Variants in CDK19 observed in about 807,000 individuals in gnomAD.
CDK19 encodes cyclin dependent kinase 19.
Under a neutral mutation model 68.3 loss-of-function variants are expected in CDK19, and 20 were observed. The observed-to-expected ratio is 0.29, with a 90% CI of 0.21 to 0.43. The LOEUF (loss-of-function observed/expected upper bound fraction) is 0.43, where lower values mean the gene tolerates loss of function less well. CDK19 is among the 20% of genes least tolerant of loss of function. CDK19 has a pLI of 1.00. For synonymous variants in CDK19, 221 were observed against 222.8 expected (o/e 0.99, Z 0.07); for missense variants, 339 against 623.5 (o/e 0.54, Z 4.86).
chr6:110,735,866 G>A (rs935768904), intron 2 of CDK19, among the ~76,000 whole-genome samples: 6 of 152,138 alleles, frequency 3.9e-5, no homozygotes, highest in East Asian at 3.8e-4. Flanking sequence ...GAAGTGCTTC[G>A]CCAAAACATT....
In CDK19 at chr6:110,621,273, G is replaced by C. The variant is rs762896900; in HGVS notation, c.1208C>G (p.Thr403Ser). 6.2e-7 allele frequency: 1 copy of C among 1,613,200 alleles called. No homozygotes were observed. Among genetic ancestry groups the C allele is most frequent in the East Asian group, 2.2e-5 (1 of 44,878 alleles). Residue 403 changes from threonine (T) to serine (S), a missense_variant, in exon 12 of 13, where the codon ACC (threonine) becomes AGC (serine). Coordinates refer to ENST00000368911, the MANE Select transcript of CDK19 (RefSeq NM_015076.5). The surrounding 1 kb of genome is among the most constrained non-coding windows in gnomAD (Gnocchi z 5.4). ...CCCACCTGCGGTCCCGTTGGTCTGG[G>C]TGCTGTTCTGCTGTGGTGGGGGCGC... ...PQAPPPQQNS[T>S]QTNGTAGGAG...
At chr6:110,715,938 C>A (rs1178016891) in intron 2 of CDK19, among the ~76,000 whole-genome samples, 1 of 152,186 alleles carries the variant, frequency 6.6e-6, no homozygotes, top group East Asian at 1.9e-4. Flanking sequence ...TAGTATGGCA[C>A]TACTTAATGG....
At chr6:110,781,831 G>C in intron 1 of CDK19, among the ~76,000 whole-genome samples, 1 of 146,024 alleles carries the variant, frequency 6.8e-6, no homozygotes, top group Non-Finnish European at 1.5e-5. Flanking sequence ...GTGAGACCCT[G>C]TCTCAAATGA....
At chr6:110,647,949 C>T (rs1266931052) in intron 4 of CDK19, among the ~76,000 whole-genome samples, 1 of 151,982 alleles carries the variant, frequency 6.6e-6, no homozygotes, top group Non-Finnish European at 1.5e-5. Context: ...AGTTTATCAC[C>T]ATATGAACAG....
chr6:110,806,354 A>AT (rs1782684413), intron 1 of CDK19, among the ~76,000 whole-genome samples: 1 of 151,624 alleles, frequency 6.6e-6, no homozygotes, highest in Non-Finnish European at 1.5e-5. Flanking sequence ...AAAAAAAAAA[A>AT]ATTATTATTG....
chr6:110,759,428 A>AAAAAAT lies in CDK19; in HGVS notation c.129-13228_129-13227insATTTTT, dbSNP rs1275389842. Among the ~76,000 whole-genome samples the AAAAAAT allele has an allele frequency of 2.0e-4, 10 of 50,906 alleles. No homozygotes were observed. In the East Asian group the frequency reaches 4.1e-3, roughly 21 times the overall value. The allele number at this position is 50,906 out of a possible 152,430, so 33.4% of individuals were successfully genotyped here. A position where few individuals can be genotyped will look rare whatever the true frequency, so the allele number is the denominator to read the frequency against. ...TTAAAAAAAAAAAAAAAAAAAAAAA[A>AAAAAAT]ATATATATATATATATATATATAAA... On this transcript the variant is annotated intron_variant, in intron 1 of 12. Transcript: ENST00000368911.
intron 4 of CDK19, among the ~76,000 whole-genome samples, chr6:110,639,187 T>C (rs1265856878): frequency 3.3e-5 from 5 of 152,204 alleles, no homozygotes; most frequent in Non-Finnish European, 5.9e-5. Context: ...TCAGCTATCA[T>C]ACATGCAAAA....
intron 2 of CDK19, among the ~76,000 whole-genome samples, chr6:110,701,977 C>T (rs1774044455): frequency 6.6e-6 from 1 of 151,770 alleles, no homozygotes; most frequent in Admixed American, 6.6e-5. Context: ...CTCATCTCTA[C>T]TAAAAATACA....
chr6:110,796,085 T>C (rs928902599), intron 1 of CDK19, among the ~76,000 whole-genome samples: 1 of 152,198 alleles, frequency 6.6e-6, no homozygotes, highest in Non-Finnish European at 1.5e-5. Context: ...ACGCCTGTAA[T>C]CCCAGTACTT....
rs1778498235 is a variant in CDK19 at position 110,618,564 on chromosome 6, G to T, written c.1377+2540C>A. ...TTCTCCCGATGGTGTTAGGAGCCTG[G>T]ACACAGGGTGGGGTTGAGGTCCCAC... On this transcript the variant is annotated intron_variant, in intron 12 of 12. Transcript: ENST00000368911. Among the ~76,000 whole-genome samples, 5 of 152,312 alleles carry T rather than the reference G, an allele frequency of 3.3e-5. 1 individual carries two copies. The South Asian group carries it at 1.0e-3, about 32-fold the overall frequency.
At chr6:110,787,557 C>T (rs921101388) in intron 1 of CDK19, among the ~76,000 whole-genome samples, 1 of 151,888 alleles carries the variant, frequency 6.6e-6, no homozygotes, top group African/African-American at 2.4e-5. Context: ...AGGGATTCTC[C>T]AACGTCAGCC....
At chr6:110,633,697 CT>C in intron 5 of CDK19, among the ~76,000 whole-genome samples, 1 of 152,284 alleles carries the variant, frequency 6.6e-6, no homozygotes, top group East Asian at 1.9e-4. Context: ...CATCTTTTAT[CT>C]ACAAAGTCCT....
At chr6:110,648,716 T>TTTTG (rs1780777725) in intron 4 of CDK19, among the ~76,000 whole-genome samples, 1 of 151,066 alleles carries the variant, frequency 6.6e-6, no homozygotes, top group Non-Finnish European at 1.5e-5. Flanking sequence ...AATTTTTGTT[T>TTTTG]TTTTGTTTTG....
Position 110,815,120 on chromosome 6 carries a change from T to C in CDK19, c.17A>G (p.Lys6Arg). The change falls in exon 1 of 13, where the codon AAG (lysine) becomes AGG (arginine). Residue 6 changes from lysine (K) to arginine (R), a missense_variant. Lys to Arg is a conservative substitution (Grantham distance 26). Around this residue, in one of 4 missense-constraint regions of CDK19, gnomAD observed 120 missense variants for 224.0 expected, o/e 0.54. Transcript: ENST00000368911. Reference protein sequence around the residue: MDYDFKAKLAAERERV... With the variant: MDYDFRAKLAAERERV... ...CTCCCGCTCCGCCGCCAGCTTCGCC[T>C]TGAAATCATAATCCATTGTCTGCTT... 1 of 1,601,018 alleles carries C rather than the reference T, an allele frequency of 6.2e-7. No homozygotes were observed. The highest frequency in any genetic ancestry group is 8.5e-7 in the Non-Finnish European group (1 of 1,174,918).
chr6:110,649,097 A>T (rs1163524688), intron 4 of CDK19, among the ~76,000 whole-genome samples: 1 of 152,152 alleles, frequency 6.6e-6, no homozygotes, highest in Non-Finnish European at 1.5e-5. Context: ...AGTAAAAAAA[A>T]AAATCAATTC....
At chr6:110,813,668 T>C (rs999340684) in intron 1 of CDK19, 19 of 152,086 alleles carry the variant, frequency 1.2e-4, no homozygotes, top group African/African-American at 4.6e-4. Context: ...TACACTTGGA[T>C]AGCACTTTGC....
chr6:110,635,269 T>C (rs1201437408), intron 5 of CDK19, among the ~76,000 whole-genome samples: 2 of 152,204 alleles, frequency 1.3e-5, no homozygotes, highest in Non-Finnish European at 2.9e-5. Flanking sequence ...CGGTTTCTAC[T>C]AGATGCTAAG....
intron 1 of CDK19, among the ~76,000 whole-genome samples, chr6:110,768,728 C>G (rs1779763363): frequency 6.6e-6 from 1 of 151,984 alleles, no homozygotes; most frequent in Non-Finnish European, 1.5e-5. Context: ...AGGGAGGGAA[C>G]CAGGGATGAA....
intron 5 of CDK19, among the ~76,000 whole-genome samples, chr6:110,635,058 C>G (rs1487663051): frequency 6.6e-6 from 1 of 152,192 alleles, no homozygotes; most frequent in Admixed American, 6.5e-5. Context: ...AGTTGACTTT[C>G]TAAAATTACA....
Sources: gnomAD v4.1 joint callset for allele counts (sites outside exome capture counted in the v4.1 genomes callset) on GRCh38, gnomAD v4.1.1 for gene constraint, gnomAD v4.1.1 regional missense constraint, Gnocchi (gnomAD v3.1) non-coding constraint, MANE v1.5 for transcripts, NCBI Gene and HGNC (gene_info 2026-07-23, HGNC 2026-07-21) for gene names.